ZFP1: variants seen among roughly 807,000 people sequenced by gnomAD.
The protein encoded by ZFP1 is zinc finger protein 1 homolog.
Under a neutral mutation model 38.5 loss-of-function variants are expected in ZFP1, and 32 were observed. That is an observed-to-expected ratio of 0.83 (90% CI 0.63 to 1.12). ZFP1 has a LOEUF of 1.12. Ranked by LOEUF, ZFP1 falls within the 50% of genes most tolerant of loss-of-function variation. ZFP1 has a pLI of 0.00. For missense variants in ZFP1, 616 were observed against 480.8 expected, an observed-to-expected ratio of 1.28 and a Z score of -2.63; for synonymous variants, 245 against 168.8, an observed-to-expected ratio of 1.45 and a Z score of -3.50.
chr16:75,119,100 A>T, the ZFP1 span, among the ~76,000 whole-genome samples: 1 of 152,204 alleles, frequency 6.6e-6, no homozygotes, highest in Admixed American at 6.5e-5. Flanking sequence ...CCTTGGGGAC[A>T]TGTCATTGGG....
chr16:75,126,131 CT>C, the ZFP1 span: 4 of 149,676 alleles, frequency 2.7e-5, no homozygotes, highest in Non-Finnish European at 4.4e-5. Context: ...ATGAATTCTT[CT>C]TTTAATTAAT....
At position 75,169,303 on chromosome 16, in the gene ZFP1, G is replaced by C; in HGVS notation, c.193G>C (p.Glu65Gln). The C allele has an allele frequency of 6.2e-7, 1 of 1,613,994 alleles. No individual in the cohort carries two copies. The highest frequency in any genetic ancestry group is 8.5e-7 in the Non-Finnish European group (1 of 1,179,988). ...GGAGAGAGACCACAGAAACCCAGACGAGCAGGCGAGGCAATTTTTAATTCT... is the reference window on the plus strand; with the variant it reads ...GGAGAGAGACCACAGAAACCCAGACCAGCAGGCGAGGCAATTTTTAATTCT... ...QMERDHRNPDEQARQFLILKN... is the reference protein window; with the variant it reads ...QMERDHRNPDQQARQFLILKN... The change falls in exon 4 of 4, where the codon GAG becomes CAG. Residue 65 changes from glutamate (E) to glutamine (Q), a missense_variant. By Grantham distance (29) the Glu-to-Gln change is conservative. Transcript: ENST00000570010.
intron 2 of ZFP1, among the ~76,000 whole-genome samples, chr16:75,166,379 A>C (rs999520281): frequency 6.6e-6 from 1 of 152,106 alleles, no homozygotes; most frequent in Non-Finnish European, 1.5e-5. Flanking sequence ...GAGTACAGGC[A>C]TGTGCCACCA....
intron 2 of ZFP1, 162 bp from the exon 3 acceptor site, chr16:75,166,608 A>ATTTATAAAAATATATT: frequency 1.0e-6 from 1 of 985,132 alleles, no homozygotes; most frequent in Non-Finnish European, 1.2e-6. Context: ...AATCTCAACT[A>ATTTATAAAAATATATT]TTTATAAAAA....
At chr16:75,154,302 T>C (rs1384759295) in intron 2 of ZFP1, among the ~76,000 whole-genome samples, 3 of 152,216 alleles carry the variant, frequency 2.0e-5, no homozygotes, top group African/African-American at 7.2e-5. Flanking sequence ...GAATATGTCA[T>C]GATGTGATGT....
At chr16:75,156,350 C>T (rs12918829) in intron 2 of ZFP1, among the ~76,000 whole-genome samples, 118,992 of 152,116 alleles carry the variant, frequency 0.78, 47,740 homozygotes, top group Non-Finnish European at 0.87. Flanking sequence ...CCAGCTACTT[C>T]GGAGGCTAAG....
chr16:75,123,350 T>C, the ZFP1 span, among the ~76,000 whole-genome samples: 1 of 146,788 alleles, frequency 6.8e-6, no homozygotes. Flanking sequence ...AGACTCTGTC[T>C]AAAATATATA....
At chr16:75,148,984 C>T (rs1036168631) in intron 1 of ZFP1, 1 of 151,594 alleles carries the variant, frequency 6.6e-6, no homozygotes, top group African/African-American at 2.4e-5. Flanking sequence ...GCGCGCGGGA[C>T]GAGGCCCCGC....
the ZFP1 span, among the ~76,000 whole-genome samples, chr16:75,134,424 A>G: frequency 1.1e-4 from 17 of 152,176 alleles, no homozygotes; most frequent in African/African-American, 4.1e-4. Context: ...CCTGGGCATC[A>G]ATAGCCAGAT....
At chr16:75,150,981 C>T (rs891369122) in intron 1 of ZFP1, among the ~76,000 whole-genome samples, 4 of 151,950 alleles carry the variant, frequency 2.6e-5, no homozygotes, top group Admixed American at 1.3e-4. Context: ...CCTCAGCCTC[C>T]GGAGTAGCTA....
At chr16:75,119,141 T>C in the ZFP1 span, among the ~76,000 whole-genome samples, 6 of 152,174 alleles carry the variant, frequency 3.9e-5, no homozygotes, top group Non-Finnish European at 5.9e-5. Flanking sequence ...ACCATCATCA[T>C]TGGCAAAATA....
At chr16:75,168,591 G>C (rs866708734) in intron 3 of ZFP1, among the ~76,000 whole-genome samples, 1 of 152,210 alleles carries the variant, frequency 6.6e-6, no homozygotes, top group African/African-American at 2.4e-5. Flanking sequence ...TGATCCTGTG[G>C]TAAGGGTTGT....
At chr16:75,162,917 C>CTTT (rs34465635) in intron 2 of ZFP1, among the ~76,000 whole-genome samples, 22 of 147,670 alleles carry the variant, frequency 1.5e-4, no homozygotes, top group African/African-American at 5.2e-4. Context: ...TGTAATTTTT[C>CTTT]TTTTTTTTTT....
At chr16:75,159,297 T>C (rs2037631315) in intron 2 of ZFP1, among the ~76,000 whole-genome samples, 3 of 27,506 alleles carry the variant, frequency 1.1e-4, no homozygotes, top group African/African-American at 1.6e-4. Context: ...TTCCCTCCCT[T>C]CCCTCCCTTC....
At chr16:75,161,177 C>T (rs2037753679) in intron 2 of ZFP1, among the ~76,000 whole-genome samples, 1 of 152,176 alleles carries the variant, frequency 6.6e-6, no homozygotes, top group African/African-American at 2.4e-5. Context: ...AAGCGATTCT[C>T]CTGCCTCAGC....
At chr16:75,164,993 C>T (rs527580532) in intron 2 of ZFP1, among the ~76,000 whole-genome samples, 12 of 152,078 alleles carry the variant, frequency 7.9e-5, no homozygotes, top group Admixed American at 2.0e-4. Context: ...TTAGTAGAGA[C>T]GGGGTTTCTC....
At chr16:75,158,200 C>A (rs72626192) in intron 2 of ZFP1, among the ~76,000 whole-genome samples, 1 of 151,782 alleles carries the variant, frequency 6.6e-6, no homozygotes, top group Non-Finnish European at 1.5e-5. Context: ...GTAGTTTGGT[C>A]GTGGTTTTGA....
At chr16:75,124,863 G>GT in the ZFP1 span, among the ~76,000 whole-genome samples, 16,443 of 127,564 alleles carry the variant, frequency 0.13, 3,367 homozygotes, top group African/African-American at 0.44. Context: ...AAATAAAGAG[G>GT]TTTTTTTTTT....
the ZFP1 span, among the ~76,000 whole-genome samples, chr16:75,140,852 G>T: frequency 2.6e-5 from 4 of 151,914 alleles, no homozygotes; most frequent in African/African-American, 4.8e-5. Context: ...CCAGCTACTC[G>T]GAAGGCTGAG....
Sources: gnomAD v4.1 joint callset for allele counts (sites outside exome capture counted in the v4.1 genomes callset) on GRCh38, gnomAD v4.1.1 for gene constraint, MANE v1.5 for transcripts, NCBI Gene and HGNC (gene_info 2026-07-23, HGNC 2026-07-21) for gene names.